The following GFRA2 variants were observed in gnomAD, a reference collection of about 807,000 sequenced individuals.
The protein encoded by GFRA2 is GDNF family receptor alpha 2, also known as GDNF family receptor alpha-2.
GFRA2 carries 17 observed loss-of-function variants against 48.3 expected under a neutral mutation model. The ratio of observed to expected loss-of-function variants is 0.35; its 90% CI spans 0.24 to 0.53. The LOEUF (loss-of-function observed/expected upper bound fraction) is 0.53, where lower values mean the gene tolerates loss of function less well. Among genes scored for constraint, GFRA2 ranks in the 20% least tolerant of loss-of-function variants. The pLI is 0.93. For synonymous variants in GFRA2, 305 were observed against 257.2 expected (o/e 1.19, Z -1.78); for missense variants, 660 against 637.3 (o/e 1.04, Z -0.38).
At position 21,693,393 on chromosome 8, in the gene GFRA2, G is replaced by C; in HGVS notation, c.1280C>G (p.Thr427Arg). 6.2e-7 allele frequency: 1 copy of C among 1,609,016 alleles called. No homozygotes were observed. The highest frequency in any genetic ancestry group is 8.5e-7 in the Non-Finnish European group (1 of 1,177,218). ...ELSMCFTELT[T>R]NIIPGSNKVI... ...CTTGTTACTCCCTGGGATGATATTT[G>C]TCGTGAGCTGAGTCCGCAGCAGGAG... Residue 427 changes from threonine (T) to arginine (R), a missense_variant, in exon 9 of 9, where the codon ACA (threonine) becomes AGA (arginine). Thr to Arg is a moderately conservative substitution (Grantham distance 71). Coordinates refer to ENST00000524240, the MANE Select transcript of GFRA2 (RefSeq NM_001495.5).
In GFRA2 at chr8:21,696,532, G is replaced by A. The variant is rs558479799; in HGVS notation, c.1219-2015C>T. Among the ~76,000 whole-genome samples, 26 of 152,252 alleles carry A rather than the reference G, an allele frequency of 1.7e-4. 1 individual carries two copies. Among genetic ancestry groups the A allele is most frequent in the East Asian group, 1.6e-3 (8 of 5,134 alleles). ...TGGGTGCCACTCTCAGGGGAGCCCC[G>A]GACCTAGACACTCTGCAGGGTTACA... On this transcript the variant is annotated intron_variant, in intron 7 of 8. Coordinates refer to ENST00000524240, the MANE Select transcript of GFRA2 (RefSeq NM_001495.5).
intron 4 of GFRA2, among the ~76,000 whole-genome samples, chr8:21,728,273 T>TG (rs1554489402): frequency 7.4e-6 from 1 of 134,806 alleles, no homozygotes; most frequent in East Asian, 2.2e-4. Context: ...AGGTTTTTTT[T>TG]TTTTTTTTTT....
intron 3 of GFRA2, among the ~76,000 whole-genome samples, chr8:21,770,472 A>G (rs34460354): frequency 0.39 from 59,444 of 152,058 alleles, 11,935 homozygotes; most frequent in African/African-American, 0.47. Context: ...GAGGTGGGAC[A>G]GGGATTGGAA....
At chr8:21,697,667 G>C (rs1299600909) in intron 7 of GFRA2, among the ~76,000 whole-genome samples, 1 of 152,026 alleles carries the variant, frequency 6.6e-6, no homozygotes, top group Non-Finnish European at 1.5e-5. Context: ...GATATGGTTT[G>C]GCTGTGTCTC....
At chr8:21,704,153 G>A (rs1301808542) in intron 6 of GFRA2, among the ~76,000 whole-genome samples, 1 of 152,238 alleles carries the variant, frequency 6.6e-6, no homozygotes, top group Non-Finnish European at 1.5e-5. Context: ...GGTCTTCTGT[G>A]GAGCCCAGGA....
chr8:21,775,206 G>C (rs1008378674), intron 2 of GFRA2, among the ~76,000 whole-genome samples, 151 bp from the exon 3 acceptor site: 16 of 152,220 alleles, frequency 1.1e-4, no homozygotes, highest in Non-Finnish European at 2.2e-4. Context: ...AAAGTGAAGA[G>C]TGCAGGACCA....
intron 3 of GFRA2, among the ~76,000 whole-genome samples, chr8:21,753,362 C>T (rs1054501711): frequency 6.6e-6 from 1 of 152,232 alleles, no homozygotes; most frequent in African/African-American, 2.4e-5. Flanking sequence ...AATCCCAGCA[C>T]TTTGGGAGGC....
At position 21,723,683 on chromosome 8, in the gene GFRA2, G is replaced by C. The variant is rs529612591; in HGVS notation, c.795-17642C>G. On this transcript the variant is annotated intron_variant, in intron 4 of 8. Coordinates refer to ENST00000524240, the MANE Select transcript of GFRA2 (RefSeq NM_001495.5). ...TCCACCCCGCAGGGTCCACTGGGAA[G>C]ACTTTTGGACACCCCTGGGAAATTT... Among the ~76,000 whole-genome samples, 5 of 152,300 alleles carry C rather than the reference G, an allele frequency of 3.3e-5. No homozygotes were observed. The East Asian group carries it at 9.7e-4, about 29-fold the overall frequency.
At chr8:21,782,485 C>G in intron 2 of GFRA2, 100 bp downstream of exon 2, 1 of 892,188 alleles carries the variant, frequency 1.1e-6, no homozygotes, top group Middle Eastern at 3.5e-4. Flanking sequence ...GGCCAGTTTG[C>G]GCCACCACCT....
At chr8:21,785,928 G>C (rs1807247071) in intron 1 of GFRA2, among the ~76,000 whole-genome samples, 1 of 145,808 alleles carries the variant, frequency 6.9e-6, no homozygotes, top group Admixed American at 6.8e-5. Flanking sequence ...TTTTCAACCA[G>C]CTTCCTGCCA....
chr8:21,782,832 G>C lies in GFRA2; in HGVS notation c.108C>G (p.Pro36=). ...LQGPELHGWR[P]PVDCVRANEL... ...CATTGGCCCGGACACAGTCCACTGGGGGGCGCCAGCCGTGGAGCTCGGGGC... is the reference window on the plus strand; with the variant it reads ...CATTGGCCCGGACACAGTCCACTGGCGGGCGCCAGCCGTGGAGCTCGGGGC... Residue 36 remains proline, a synonymous_variant, in exon 2 of 9, where the codon CCC becomes CCG. Transcript: ENST00000524240. The C allele has an allele frequency of 6.4e-7, 1 of 1,572,220 alleles. No homozygotes were observed. Among genetic ancestry groups the C allele is most frequent in the South Asian group, 1.2e-5 (1 of 86,574 alleles).
chr8:21,744,143 C>G (rs546806686), intron 4 of GFRA2, among the ~76,000 whole-genome samples: 1 of 152,302 alleles, frequency 6.6e-6, no homozygotes, highest in African/African-American at 2.4e-5. Context: ...CAAACCCAGA[C>G]CTGTCCATCC....
chr8:21,775,042 G>A lies in GFRA2; in HGVS notation c.369C>T (p.Tyr123=), dbSNP rs1482569561. The part of the protein sequence containing the change: ...HLGLTEGEEF[Y]EASPYEPVTS... ...TCACCGGCTCATAGGGGGAGGCTTC[G>A]TAGAACTCCTCACCTGGAAGACAGA... The change falls in exon 3 of 9, where the codon TAC becomes TAT. Residue 123 remains tyrosine (Y), a synonymous_variant. Transcript: ENST00000524240. 1.1e-5 allele frequency: 18 copies of A among 1,580,830 alleles called. No individual in the cohort carries two copies. Among genetic ancestry groups the A allele is most frequent in the Middle Eastern group, 1.7e-4 (1 of 5,994 alleles).
intron 4 of GFRA2, among the ~76,000 whole-genome samples, chr8:21,736,157 C>A (rs1210851559): frequency 6.6e-6 from 1 of 152,238 alleles, no homozygotes; most frequent in Non-Finnish European, 1.5e-5. Flanking sequence ...TACCATCTGG[C>A]AGGCTCAGGT....
intron 3 of GFRA2, among the ~76,000 whole-genome samples, chr8:21,754,900 C>A (rs373675748): frequency 2.9e-4 from 44 of 152,182 alleles, no homozygotes; most frequent in African/African-American, 1.0e-3. Flanking sequence ...ACAAAAGAAT[C>A]TTATTCTGTG....
chr8:21,766,148 C>T (rs965289322), intron 3 of GFRA2, among the ~76,000 whole-genome samples: 1 of 152,136 alleles, frequency 6.6e-6, no homozygotes, highest in African/African-American at 2.4e-5. Context: ...CCTCCACGTG[C>T]AGGACCCCAC....
At chr8:21,758,840 C>A (rs1805722685) in intron 3 of GFRA2, among the ~76,000 whole-genome samples, 1 of 152,042 alleles carries the variant, frequency 6.6e-6, no homozygotes. Context: ...CTAAAAGGAG[C>A]CCACTCTGGT....
chr8:21,712,122 T>A lies in GFRA2; in HGVS notation c.795-6081A>T, dbSNP rs1803072028. Among the ~76,000 whole-genome samples, 3 of 152,262 alleles carry A rather than the reference T, an allele frequency of 2.0e-5. No individual in the cohort carries two copies. In the South Asian group the frequency reaches 6.2e-4, roughly 31 times the overall value. Reference sequence around the variant, plus strand: ...AGCAACCATCCAATTTCTCAATCTTTTCCCCACCTTTCCCCCTTTTCTATT... The same window carrying A: ...AGCAACCATCCAATTTCTCAATCTTATCCCCACCTTTCCCCCTTTTCTATT... On this transcript the variant is annotated intron_variant, in intron 4 of 8. Coordinates refer to ENST00000524240, the MANE Select transcript of GFRA2 (RefSeq NM_001495.5).
At chr8:21,762,311 C>T (rs1054863990) in intron 3 of GFRA2, among the ~76,000 whole-genome samples, 1 of 152,140 alleles carries the variant, frequency 6.6e-6, no homozygotes. Context: ...CAGAGCCTTG[C>T]CTCCCAGTCC....
Sources: gnomAD v4.1 joint callset for allele counts (sites outside exome capture counted in the v4.1 genomes callset) on GRCh38, gnomAD v4.1.1 for gene constraint, MANE v1.5 for transcripts, NCBI Gene and HGNC (gene_info 2026-07-23, HGNC 2026-07-21) for gene names.